EPB41L4B: variants seen among roughly 807,000 people sequenced by gnomAD.
EPB41L4B encodes band 4.1-like protein 4B.
In EPB41L4B, 30 loss-of-function variants were observed where a neutral mutation model predicts 112.5. The ratio of observed to expected loss-of-function variants is 0.27; its 90% CI spans 0.20 to 0.36. The LOEUF (loss-of-function observed/expected upper bound fraction) is 0.36. Ranked by LOEUF, EPB41L4B falls within the 10% of genes least tolerant of loss-of-function variation. The probability of loss-of-function intolerance (pLI) is 1.00; values close to 1 mark genes in which losing one functional copy is unlikely to be tolerated. For synonymous variants in EPB41L4B, 408 were observed against 439.7 expected (o/e 0.93, Z 0.90); for missense variants, 1,024 against 1,133.3 (o/e 0.90, Z 1.38).
At chr9:109,240,127 A>C (rs1020219931) in intron 15 of EPB41L4B, 2 of 985,462 alleles carry the variant, frequency 2.0e-6, no homozygotes, top group Non-Finnish European at 2.4e-6. Context: ...AACAAGAATC[A>C]ATTTAAAAAA....
At chr9:109,175,610 G>C (rs4978778) in intron 25 of EPB41L4B, among the ~76,000 whole-genome samples, 122,578 of 151,858 alleles carry the variant, frequency 0.81, 49,669 homozygotes, top group Middle Eastern at 0.85. Context: ...GGCCTCAACT[G>C]ATCCTCCCAC....
At chr9:109,193,445 G>A (rs1255076366) in intron 21 of EPB41L4B, among the ~76,000 whole-genome samples, 4 of 152,236 alleles carry the variant, frequency 2.6e-5, no homozygotes, top group African/African-American at 9.6e-5. Context: ...TTTTTAAGAG[G>A]AAGAAATTGA....
chr9:109,182,855 A>G (rs1457470364), intron 23 of EPB41L4B, 58 bp from the exon 24 acceptor site: 3 of 1,286,896 alleles, frequency 2.3e-6, no homozygotes, highest in African/African-American at 1.5e-5. Context: ...AAGTTTTGCA[A>G]TCTTTGGCAG....
rs971353928 is a variant in EPB41L4B, at chr9:109,304,686, G to C, written c.306+15455C>G. ...CCAATAGGAACTGCCTACTCCATGG[G>C]GGGATGAGGGGTCAGAGTGAAGCCA... On this transcript the variant is annotated intron_variant, in intron 1 of 25. Transcript: ENST00000374566. Among the ~76,000 whole-genome samples the C allele has an allele frequency of 6.6e-5, 10 of 152,292 alleles. 1 individual carries two copies. In the South Asian group the frequency reaches 1.4e-3, roughly 22 times the overall value.
chr9:109,210,803 C>T (rs1305779863), intron 17 of EPB41L4B, among the ~76,000 whole-genome samples: 1 of 152,162 alleles, frequency 6.6e-6, no homozygotes, highest in Non-Finnish European at 1.5e-5. Context: ...GTTGTGCTTT[C>T]TCCTTTCCTG....
intron 2 of EPB41L4B, among the ~76,000 whole-genome samples, chr9:109,273,671 C>T (rs891250070): frequency 2.6e-5 from 4 of 152,248 alleles, no homozygotes; most frequent in African/African-American, 9.6e-5. Context: ...CCCCCCCACA[C>T]CCCCAGCCCA....
intron 1 of EPB41L4B, among the ~76,000 whole-genome samples, chr9:109,319,186 TTGATC>T (rs367620726): frequency 8.7e-4 from 133 of 152,356 alleles, no homozygotes; most frequent in African/African-American, 2.9e-3. Context: ...GTGGTTTGAT[TTGATC>T]TGATCTGGCC....
At chr9:109,299,188 T>G (rs1836860724) in intron 1 of EPB41L4B, among the ~76,000 whole-genome samples, 1 of 152,244 alleles carries the variant, frequency 6.6e-6, no homozygotes, top group Admixed American at 6.5e-5. Context: ...TCTTCCAATC[T>G]TTCAAGGAAT....
At chr9:109,266,322 G>A (rs1835398900) in intron 4 of EPB41L4B, among the ~76,000 whole-genome samples, 2 of 152,050 alleles carry the variant, frequency 1.3e-5, no homozygotes, top group African/African-American at 4.8e-5. Flanking sequence ...GCTGCAGTAA[G>A]CTGTGATCAC....
intron 15 of EPB41L4B, among the ~76,000 whole-genome samples, chr9:109,224,699 T>G (rs1274034984): frequency 1.3e-5 from 2 of 152,234 alleles, no homozygotes; most frequent in Non-Finnish European, 2.9e-5. Context: ...ATCTTAAAGC[T>G]GATAAAAATA....
intron 17 of EPB41L4B, 30 bp from the exon 18 acceptor site, chr9:109,208,079 T>C (rs1179614053): frequency 6.2e-7 from 1 of 1,613,222 alleles, no homozygotes; most frequent in South Asian, 1.1e-5. Flanking sequence ...AAACAGCAGA[T>C]TGTAAACAAA....
chr9:109,192,377 C>T (rs776741148), intron 21 of EPB41L4B, 22 bp from the exon 22 acceptor site: 6 of 1,576,252 alleles, frequency 3.8e-6, no homozygotes, highest in Non-Finnish European at 5.2e-6. Context: ...GACAAACACC[C>T]CTGGTTAGAG....
At chr9:109,279,666 T>C (rs976943334) in intron 2 of EPB41L4B, 151 bp downstream of exon 2, 27 of 659,594 alleles carry the variant, frequency 4.1e-5, no homozygotes, top group African/African-American at 4.0e-4. Context: ...CGCATGGCAC[T>C]TGGGCACCAC....
At chr9:109,299,081 C>G (rs1836854004) in intron 1 of EPB41L4B, among the ~76,000 whole-genome samples, 1 of 152,154 alleles carries the variant, frequency 6.6e-6, no homozygotes, top group South Asian at 2.1e-4. Context: ...AGGGGACATT[C>G]TAACGAGCGA....
At chr9:109,252,709 C>T (rs1489694133) in intron 12 of EPB41L4B, among the ~76,000 whole-genome samples, 1 of 152,152 alleles carries the variant, frequency 6.6e-6, no homozygotes, top group African/African-American at 2.4e-5. Context: ...AGTGCAGAGG[C>T]TCTGCCATAA....
chr9:109,214,899 A>G (rs1293469260), intron 16 of EPB41L4B, among the ~76,000 whole-genome samples: 1 of 152,104 alleles, frequency 6.6e-6, no homozygotes, highest in Non-Finnish European at 1.5e-5. Context: ...TACTATTTGG[A>G]GATTGTCCTG....
intron 17 of EPB41L4B, among the ~76,000 whole-genome samples, chr9:109,210,780 T>C (rs1430650423): frequency 6.6e-6 from 1 of 152,248 alleles, no homozygotes; most frequent in Admixed American, 6.5e-5. Flanking sequence ...TCCTGGAGGA[T>C]GGCTTCAAGA....
intron 1 of EPB41L4B, among the ~76,000 whole-genome samples, chr9:109,293,163 G>A (rs1836595896): frequency 6.6e-6 from 1 of 152,232 alleles, no homozygotes. Flanking sequence ...AGCACTGGGG[G>A]AGTGTGTTAT....
At chr9:109,194,477 G>A in intron 20 of EPB41L4B, 80 bp from the exon 21 acceptor site, 1 of 1,466,002 alleles carries the variant, frequency 6.8e-7, no homozygotes, top group Non-Finnish European at 9.3e-7. Context: ...GGATGGGCAG[G>A]GGTGGGAAGA....
Sources: allele counts gnomAD v4.1 joint callset (sites outside exome capture counted in the v4.1 genomes callset), GRCh38; gene constraint gnomAD v4.1.1; transcripts MANE v1.5; gene names NCBI Gene and HGNC (gene_info 2026-07-23, HGNC 2026-07-21).